The following TTC28 variants were observed in gnomAD, a reference collection of about 807,000 sequenced individuals.
TTC28 encodes tetratricopeptide repeat domain 28.
In TTC28, 61 loss-of-function variants were observed where a neutral mutation model predicts 198.0. That is an observed-to-expected ratio of 0.31 (90% confidence interval 0.25 to 0.38). TTC28 has a LOEUF of 0.38. Among genes scored for constraint, TTC28 ranks in the 10% least tolerant of loss-of-function variants. TTC28 has a pLI of 1.00. For synonymous variants in TTC28, 1,171 were observed against 1,297.8 expected (o/e 0.90, Z 2.10); for missense variants, 2,678 against 3,164.0 (o/e 0.85, Z 3.69).
chr22:28,494,938 A>T (rs938239062), intron 2 of TTC28, among the ~76,000 whole-genome samples: 10 of 152,074 alleles, frequency 6.6e-5, no homozygotes, highest in Non-Finnish European at 1.2e-4. Context: ...GGAAAAAAGG[A>T]ACAATCAAAG....
chr22:28,662,031 T>C (rs2051757592), intron 1 of TTC28, among the ~76,000 whole-genome samples: 3 of 151,824 alleles, frequency 2.0e-5, no homozygotes, highest in Non-Finnish European at 4.4e-5. Flanking sequence ...GGAACAACCA[T>C]GCCTGGCTCA....
chr22:28,672,018 T>C (rs1244641367), intron 1 of TTC28, among the ~76,000 whole-genome samples: 3 of 151,556 alleles, frequency 2.0e-5, no homozygotes, highest in African/African-American at 4.9e-5. Flanking sequence ...AAATAAACCA[T>C]TTAAAACTAA....
At chr22:28,547,187 T>C (rs1364610413) in intron 2 of TTC28, among the ~76,000 whole-genome samples, 1 of 149,846 alleles carries the variant, frequency 6.7e-6, no homozygotes, top group Non-Finnish European at 1.5e-5. Flanking sequence ...TTTTAAGATC[T>C]CTCTGCATGT....
intron 5 of TTC28, among the ~76,000 whole-genome samples, chr22:28,246,972 C>T (rs1403791494): frequency 1.3e-5 from 2 of 152,148 alleles, no homozygotes; most frequent in Admixed American, 6.5e-5. Flanking sequence ...AAACAGCATG[C>T]AAGCACACAC....
chr22:28,017,833 C>T (rs540177059), intron 13 of TTC28, among the ~76,000 whole-genome samples: 1 of 152,174 alleles, frequency 6.6e-6, no homozygotes, highest in African/African-American at 2.4e-5. Flanking sequence ...AACATTCCCC[C>T]CATCCCCAGG....
At chr22:28,618,143 T>G (rs1377162291) in intron 2 of TTC28, among the ~76,000 whole-genome samples, 1 of 151,596 alleles carries the variant, frequency 6.6e-6, no homozygotes, top group South Asian at 2.1e-4. Flanking sequence ...GGCGTGGTGG[T>G]GGGTGCCTGT....
rs545205650 is a variant in TTC28, at chr22:28,108,274, T to C, written c.1571A>G (p.Tyr524Cys). ...CTGGTCGTACATGCCCAGGGCATTG[T>C]AGGCATTGCCCATATTCCCATAGGC... The part of the protein sequence containing the change: ...GRAYGNMGNA[Y>C]NALGMYDQAV... The change falls in exon 7 of 23, where the codon TAC becomes TGC. Residue 524 changes from tyrosine (Y) to cysteine (C), a missense_variant. Around this residue, in one of 8 missense-constraint regions of TTC28, gnomAD observed 775 missense variants for 845.9 expected, o/e 0.92. Transcript: ENST00000397906. The C allele has an allele frequency of 1.3e-6, 2 of 1,549,142 alleles. No homozygotes were observed. Among genetic ancestry groups the C allele is most frequent in the Non-Finnish European group, 1.7e-6 (2 of 1,144,946 alleles).
chr22:28,175,057 A>T (rs1923032203), intron 5 of TTC28, among the ~76,000 whole-genome samples: 1 of 151,876 alleles, frequency 6.6e-6, no homozygotes, highest in African/African-American at 2.4e-5. Context: ...AAAATTTAAT[A>T]TTTGCATGCA....
rs570456815 is a variant in TTC28 at position 27,978,760 on chromosome 22, C to G, written c.*3461G>C. On this transcript the variant is annotated 3_prime_UTR_variant, in exon 23 of 23. Transcript: ENST00000397906. ...GATATTTTGACTTAATTAAAAAAAT[C>G]AAATTAGTTGAGTCATTTACTGGAG... 1 of 152,258 alleles carries G rather than the reference C, an allele frequency of 6.6e-6. No individual in the cohort carries two copies. The highest frequency in any genetic ancestry group is 1.9e-4 in the East Asian group (1 of 5,184). 9.4% of individuals were successfully genotyped at this position (152,258 alleles called of 1,614,324 possible). A position where few individuals can be genotyped will look rare whatever the true frequency, so the allele number is the denominator to read the frequency against.
intron 5 of TTC28, among the ~76,000 whole-genome samples, chr22:28,232,024 C>T (rs558519637): frequency 6.6e-6 from 1 of 152,296 alleles, no homozygotes; most frequent in East Asian, 1.9e-4. Flanking sequence ...TACCCTACAA[C>T]CATGGAAGTC....
At chr22:28,116,221 C>T (rs1942625800) in intron 6 of TTC28, among the ~76,000 whole-genome samples, 1 of 152,114 alleles carries the variant, frequency 6.6e-6, no homozygotes, top group South Asian at 2.1e-4. Context: ...TATTCACTGC[C>T]TTCATGCATA....
chr22:28,002,391 G>A (rs1418430344), intron 14 of TTC28: 1 of 152,228 alleles, frequency 6.6e-6, no homozygotes, highest in African/African-American at 2.4e-5. Context: ...TGCCAGGGGT[G>A]GGGCTGGCCT....
At chr22:28,265,739 A>G (rs1284623592) in intron 5 of TTC28, among the ~76,000 whole-genome samples, 2 of 152,202 alleles carry the variant, frequency 1.3e-5, no homozygotes, top group Non-Finnish European at 2.9e-5. Flanking sequence ...TAAGACATAT[A>G]TTCAGAAAAA....
intron 13 of TTC28, among the ~76,000 whole-genome samples, chr22:28,022,125 A>AG (rs1938631917): frequency 6.6e-6 from 1 of 152,172 alleles, no homozygotes; most frequent in Non-Finnish European, 1.5e-5. Flanking sequence ...CTGTGGCCTG[A>AG]GGGGGAGCCC....
In TTC28 at chr22:28,063,018, T is replaced by C. The variant is rs1467687322; in HGVS notation, c.3932+31062A>G. Among the ~76,000 whole-genome samples, 4 of 152,338 alleles carry C rather than the reference T, an allele frequency of 2.6e-5. No homozygotes were observed. In the South Asian group the frequency reaches 8.3e-4, roughly 32 times the overall value. On this transcript the variant is annotated intron_variant, in intron 12 of 22. Transcript: ENST00000397906. ...TATGAGGTAGATTTTGTTATACTCT[T>C]CTGAAGAGTATTTTTTTTCAAAACA...
At chr22:28,628,440 T>G (rs555801207) in intron 2 of TTC28, among the ~76,000 whole-genome samples, 1 of 152,290 alleles carries the variant, frequency 6.6e-6, no homozygotes, top group South Asian at 2.1e-4. Context: ...AGTAACCCTT[T>G]TTGTGTGTGT....
rs41278845 is a variant in TTC28 at position 27,982,396 on chromosome 22, G to C, written c.7271C>G (p.Ala2424Gly). ...TCCGTTGGGAGGGGCTTTCGGTGGA[G>C]CTCCGTCATGCTGCTGCAGGGACAG... ...KELSLQQHDG[A>G]PPKAPPNGHW... The change falls in exon 23 of 23, where the codon GCT (alanine) becomes GGT (glycine). Residue 2424 changes from alanine (A) to glycine (G), a missense_variant. By Grantham distance (60) the Ala-to-Gly change is moderately conservative. Transcript: ENST00000397906. This position sits in a 1 kb window ranked among gnomAD's most constrained non-coding sequence, Gnocchi z 5.2. The C allele has an allele frequency of 0.043, 66,369 of 1,551,410 alleles. 1,695 individuals are homozygous for C. Among genetic ancestry groups the C allele is most frequent in the Middle Eastern group, 0.078 (466 of 5,992 alleles).
chr22:28,677,730 G>A (rs1333450188), intron 1 of TTC28, among the ~76,000 whole-genome samples: 2 of 152,120 alleles, frequency 1.3e-5, no homozygotes, highest in Non-Finnish European at 2.9e-5. Flanking sequence ...TGAGGTCAAG[G>A]AGTTTGGGAC....
intron 2 of TTC28, among the ~76,000 whole-genome samples, chr22:28,487,473 G>A (rs923712750): frequency 1.3e-5 from 2 of 151,912 alleles, no homozygotes; most frequent in South Asian, 2.1e-4. Context: ...AATAAAAACT[G>A]AGATGTTAAT....
Sources: allele counts gnomAD v4.1 joint callset (sites outside exome capture counted in the v4.1 genomes callset), GRCh38; gene constraint gnomAD v4.1.1; regional missense constraint gnomAD v4.1.1; non-coding constraint Gnocchi (gnomAD v3.1); transcripts MANE v1.5; gene names NCBI Gene and HGNC (gene_info 2026-07-23, HGNC 2026-07-21).